DLL4: variants seen among roughly 807,000 people sequenced by gnomAD.
The protein encoded by DLL4 is delta-like protein 4.
In DLL4, 7 loss-of-function variants were observed where a neutral mutation model predicts 73.6. The ratio of observed to expected loss-of-function variants is 0.10; its 90% CI spans 0.05 to 0.18. The LOEUF is 0.18. Among genes scored for constraint, DLL4 ranks in the 10% least tolerant of loss-of-function variants. The pLI, the probability that DLL4 is intolerant of heterozygous loss-of-function variation, is 1.00. For missense variants in DLL4, 614 were observed against 929.9 expected, an observed-to-expected ratio of 0.66 and a Z score of 4.42; for synonymous variants, 345 against 374.3, an observed-to-expected ratio of 0.92 and a Z score of 0.90.
rs1286743910 is a variant in DLL4, at chr15:40,935,056, C to G, written c.1179C>G (p.Asn393Lys). The change falls in exon 8 of 11, where the codon AAC becomes AAG. Residue 393 changes from asparagine to lysine, a missense_variant. Physicochemically the swap from Asn to Lys is moderately conservative, Grantham distance 94 (BLOSUM62 0). Coordinates refer to ENST00000249749, the MANE Select transcript of DLL4 (RefSeq NM_019074.4). ...ACTATGCTTGTGAATGTCCCCCCAA[C>G]TTCACCGGCTCCAACTGCGAGAAGA... The part of the protein sequence containing the change: ...GANYACECPP[N>K]FTGSNCEKKV... 3 of 1,613,494 alleles carry G rather than the reference C, an allele frequency of 1.9e-6. No homozygotes were observed. The highest frequency in any genetic ancestry group is 2.2e-5 in the South Asian group (2 of 91,090).
rs367900130 is a variant in DLL4, at chr15:40,929,936, C to G, written c.156C>G (p.Pro52=). The G allele has an allele frequency of 6.2e-7, 1 of 1,613,064 alleles. No individual in the cohort carries two copies. The highest frequency in any genetic ancestry group is 2.2e-5 in the East Asian group (1 of 44,866). The change falls in exon 2 of 11, where the codon CCC becomes CCG. Residue 52 remains proline (P), a synonymous_variant. Transcript: ENST00000249749. This position sits in a 1 kb window ranked among gnomAD's most constrained non-coding sequence, Gnocchi z 7.1. ...TGGCCAGTGGGCGGCCTTGCGAGCC[C>G]GGCTGCCGGACTTTCTTCCGCGTCT... ...GVLASGRPCE[P]GCRTFFRVCL...
Position 40,938,939 on chromosome 15 carries a change from T to TG in DLL4, c.*905_*906insG, listed in dbSNP as rs1892882150. On this transcript the variant is annotated 3_prime_UTR_variant, in exon 11 of 11. Coordinates refer to ENST00000249749, the MANE Select transcript of DLL4 (RefSeq NM_019074.4). ...TAATATGAGTTTTTATTTTGTTTTT[T>TG]TTTTTTTTTTTGTAGTTTATTTTGG... is the stretch of plus-strand genomic sequence containing the variant. The TG allele has an allele frequency of 2.0e-5, 3 of 152,044 alleles. No homozygotes were observed. The highest frequency in any genetic ancestry group is 7.3e-5 in the African/African-American group (3 of 41,376). 9.4% of individuals were successfully genotyped at this position (152,044 alleles called of 1,614,324 possible).
Position 40,931,293 on chromosome 15 carries a change from C to T in DLL4, c.395-210C>T. The T allele has an allele frequency of 4.9e-6, 3 of 607,802 alleles. No homozygotes were observed. The South Asian group carries it at 5.9e-5, about 12-fold the overall frequency. The allele number at this position is 607,802 out of a possible 1,614,324, so 37.7% of individuals were successfully genotyped here. On this transcript the variant is annotated intron_variant, in intron 3 of 10. Transcript: ENST00000249749. ...GTCCCCTTTTTGAATACTATCAGGC[C>T]CCCTGCACATGCACACACGTAGGGC...
In DLL4 at chr15:40,936,568, C is replaced by A. The variant is rs1299606827; in HGVS notation, c.1581C>A (p.Phe527Leu). The change falls in exon 9 of 11, where the codon TTC (phenylalanine) becomes TTA (leucine). Residue 527 changes from phenylalanine (F) to leucine (L), a missense_variant. By Grantham distance (22) the Phe-to-Leu change is conservative. Coordinates refer to ENST00000249749, the MANE Select transcript of DLL4 (RefSeq NM_019074.4). ...TCCCCGTGGGCTTGCCGCCCAGCTT[C>A]CCCTGGGTGGCCGTCTCGCTGGGTG... ...CEFPVGLPPSFPWVAVSLGVG... is the reference protein window; with the variant it reads ...CEFPVGLPPSLPWVAVSLGVG... 1.9e-6 allele frequency: 3 copies of A among 1,609,442 alleles called. No individual in the cohort carries two copies. The highest frequency in any genetic ancestry group is 2.5e-6 in the Non-Finnish European group (3 of 1,178,520).
Position 40,936,517 on chromosome 15 carries a change from T to C in DLL4, c.1530T>C (p.Tyr510=), listed in dbSNP as rs770793521. 1.7e-5 allele frequency: 27 copies of C among 1,611,770 alleles called. No homozygotes were observed. In the East Asian group the frequency reaches 3.3e-4, roughly 20 times the overall value. Residue 510 remains tyrosine, a synonymous_variant, in exon 9 of 11, where the codon TAT becomes TAC. Coordinates refer to ENST00000249749, the MANE Select transcript of DLL4 (RefSeq NM_019074.4). ...ACACCTTTGTGTGCAACTGCCCTTA[T>C]GGCTTTGTGGGCAGCCGCTGCGAGT... ...STDTFVCNCP[Y]GFVGSRCEFP... is the part of the protein sequence containing the mutation.
chr15:40,936,798 A>T lies in DLL4; in HGVS notation c.1811A>T (p.Asn604Ile), dbSNP rs1892852901. 1 of 1,613,656 alleles carries T rather than the reference A, an allele frequency of 6.2e-7. No homozygotes were observed. The stretch of plus-strand genomic sequence containing the variant: ...GTGGACTGTGGCCTGGACAAGTCCA[A>T]CTGTGGCAAACAGCAAAACCACACA... ...LEVDCGLDKS[N>I]CGKQQNHTLD... The change falls in exon 9 of 11, where the codon AAC becomes ATC. Residue 604 changes from asparagine to isoleucine, a missense_variant. Physicochemically the swap from Asn to Ile is moderately radical, Grantham distance 149. Coordinates refer to ENST00000249749, the MANE Select transcript of DLL4 (RefSeq NM_019074.4).
At position 40,930,587 on chromosome 15, in the gene DLL4, A is replaced by G. The variant is rs780669074; in HGVS notation, c.337-38A>G. ...CACCCCCACCTCTCCCCGCTTGCTC[A>G]TCTCGCCATCTCTCCGTCCCCCCAC... is the stretch of plus-strand genomic sequence containing the variant. On this transcript the variant is annotated intron_variant, in intron 2 of 10. Transcript: ENST00000249749. The surrounding 1 kb of genome is among the most constrained non-coding windows in gnomAD (Gnocchi z 5.7). 6.3e-7 allele frequency: 1 copy of G among 1,591,096 alleles called. No homozygotes were observed. The highest frequency in any genetic ancestry group is 8.6e-7 in the Non-Finnish European group (1 of 1,160,502).
rs1397697894 is a variant in DLL4 at position 40,938,022 on chromosome 15, C to G, written c.2053-7C>G. 6.3e-7 allele frequency: 1 copy of G among 1,599,622 alleles called. No homozygotes were observed. The highest frequency in any genetic ancestry group is 8.5e-7 in the Non-Finnish European group (1 of 1,173,558). The stretch of plus-strand genomic sequence containing the variant: ...AACCTGTTTCCCTGCCTTCCGCTTG[C>G]TCCCAGGTATAAGGCAGGAGCCTAC... On this transcript the variant is annotated splice_region_variant and splice_polypyrimidine_tract_variant and intron_variant, in intron 10 of 10. Transcript: ENST00000249749.
chr15:40,937,468 T>A lies in DLL4; in HGVS notation c.1994T>A (p.Met665Lys). 2 of 1,613,892 alleles carry A rather than the reference T, an allele frequency of 1.2e-6. No homozygotes were observed. The highest frequency in any genetic ancestry group is 1.6e-4 in the Middle Eastern group (1 of 6,062). The change falls in exon 10 of 11, where the codon ATG (methionine) becomes AAG (lysine). Residue 665 changes from methionine (M) to lysine (K), a missense_variant. Coordinates refer to ENST00000249749, the MANE Select transcript of DLL4 (RefSeq NM_019074.4). The stretch of plus-strand genomic sequence containing the variant: ...GCGATATGCTCCCCCAGGGACTCCA[T>A]GTACCAGTCTGTGTGTTTGATATCA... The part of the protein sequence containing the change: ...ISAICSPRDS[M>K]YQSVCLISEE...
chr15:40,935,597 TCC>T (rs1490912046), intron 8 of DLL4, among the ~76,000 whole-genome samples: 1 of 152,122 alleles, frequency 6.6e-6, no homozygotes, highest in Non-Finnish European at 1.5e-5. Context: ...TCTATCTGGC[TCC>T]CAGGTGACCC....
At position 40,934,635 on chromosome 15, in the gene DLL4, G is replaced by A. The variant is rs146665183; in HGVS notation, c.938G>A (p.Arg313His). ...CAGCGAAGCTACACCTGCACCTGTC[G>A]CCCAGGCTACACTGGTGTGGACTGT... The part of the protein sequence containing the change: ...SGQRSYTCTC[R>H]PGYTGVDCEL... Residue 313 changes from arginine to histidine, a missense_variant, in exon 7 of 11, where the codon CGC (arginine) becomes CAC (histidine). Physicochemically the swap from Arg to His is conservative, Grantham distance 29. This residue lies in a region of DLL4 where 386 missense variants were observed against 541.3 expected (regional missense o/e 0.71). Transcript: ENST00000249749. 8.7e-4 allele frequency: 1,400 copies of A among 1,613,904 alleles called. No homozygotes were observed. The highest frequency in any genetic ancestry group is 1.1e-3 in the Non-Finnish European group (1,291 of 1,179,874).
intron 4 of DLL4, 130 bp downstream of exon 4, chr15:40,931,896 G>T: frequency 8.0e-7 from 1 of 1,246,286 alleles, no homozygotes; most frequent in Non-Finnish European, 1.1e-6. Context: ...CCTCAGGGAT[G>T]CTGAGGGTGG....
In DLL4 at chr15:40,930,132, G is replaced by A; in HGVS notation, c.336+16G>A. ...CACCTGGCCGGTGAGCACAGCCTGG[G>A]CGCACTGGGAGGTCGCAGAAGCCGA... On this transcript the variant is annotated intron_variant, in intron 2 of 10. Transcript: ENST00000249749. The surrounding 1 kb of genome is among the most constrained non-coding windows in gnomAD (Gnocchi z 5.7). The A allele has an allele frequency of 6.9e-6, 11 of 1,602,676 alleles. No homozygotes were observed. The highest frequency in any genetic ancestry group is 1.3e-5 in the African/African-American group (1 of 74,840).
chr15:40,930,278 T>G lies in DLL4; in HGVS notation c.336+162T>G. The G allele has an allele frequency of 1.1e-6, 1 of 926,018 alleles. No homozygotes were observed. The highest frequency in any genetic ancestry group is 1.6e-6 in the Non-Finnish European group (1 of 630,028). The allele number at this position is 926,018 out of a possible 1,614,324, so 57.4% of individuals were successfully genotyped here. On this transcript the variant is annotated intron_variant, in intron 2 of 10. Coordinates refer to ENST00000249749, the MANE Select transcript of DLL4 (RefSeq NM_019074.4). This position sits in a 1 kb window ranked among gnomAD's most constrained non-coding sequence, Gnocchi z 5.7. ...CTTCCCGACTCTCTCCTGAGACTGA[T>G]CCCAGAAAAGGCTCTCACCAGTCTC... is the stretch of plus-strand genomic sequence containing the variant.
chr15:40,931,765 G>A lies in DLL4; in HGVS notation c.657G>A (p.Gln219=), dbSNP rs1421919105. 1 of 1,613,478 alleles carries A rather than the reference G, an allele frequency of 6.2e-7. No homozygotes were observed. Among genetic ancestry groups the A allele is most frequent in the Non-Finnish European group, 8.5e-7 (1 of 1,179,838 alleles). ...GTTGGACTGGGGAATATTGCCAACA[G>A]CGTAAGCAGTCAAGCTCCCACCTGT... ...LPGWTGEYCQ[Q]PICLSGCHEQ... Residue 219 remains glutamine, a splice_region_variant and synonymous_variant, in exon 4 of 11, where the codon CAG becomes CAA. Transcript: ENST00000249749.
intron 6 of DLL4, among the ~76,000 whole-genome samples, chr15:40,932,795 C>T (rs764007111): frequency 1.5e-4 from 23 of 152,310 alleles, no homozygotes; most frequent in Non-Finnish European, 2.9e-4. Flanking sequence ...TACCTATTAA[C>T]CCCCTGAGTG....
chr15:40,937,034 G>C, intron 9 of DLL4, 104 bp downstream of exon 9: 1 of 953,292 alleles, frequency 1.0e-6, no homozygotes. Flanking sequence ...CTGAGGTTTT[G>C]TTACTGACAG....
rs2140368239 is a variant in DLL4, at chr15:40,929,674, G to A, written c.6G>A (p.Ala2=). Residue 2 remains alanine, a synonymous_variant, in exon 1 of 11, where the codon GCG becomes GCA. Transcript: ENST00000249749. The surrounding 1 kb of genome is among the most constrained non-coding windows in gnomAD (Gnocchi z 7.1). ...AGAGAGCGACGCCCGAGGGGATGGC[G>A]GCAGCGTCCCGGAGCGCCTCTGGCT... M[A]AASRSASGWA... is the part of the protein sequence containing the mutation. 6.5e-7 allele frequency: 1 copy of A among 1,549,638 alleles called. No individual in the cohort carries two copies. The highest frequency in any genetic ancestry group is 8.6e-7 in the Non-Finnish European group (1 of 1,157,978).
intron 9 of DLL4, 48 bp downstream of exon 9, chr15:40,936,978 G>A: frequency 6.8e-7 from 1 of 1,472,726 alleles, no homozygotes; most frequent in Non-Finnish European, 9.1e-7. Context: ...CCCCGACATG[G>A]TTCTGCCTAG....
Sources: gnomAD v4.1 joint callset for allele counts (sites outside exome capture counted in the v4.1 genomes callset) on GRCh38, gnomAD v4.1.1 for gene constraint, gnomAD v4.1.1 regional missense constraint, Gnocchi (gnomAD v3.1) non-coding constraint, MANE v1.5 for transcripts, NCBI Gene and HGNC (gene_info 2026-07-23, HGNC 2026-07-21) for gene names.